PLAAT3: variants seen among roughly 807,000 people sequenced by gnomAD.
PLAAT3 encodes Ca-independent phospholipase A1/2.
A neutral mutation model predicts 16.7 loss-of-function variants in PLAAT3; 21 were observed. That is an observed-to-expected ratio of 1.26 (90% CI 0.89 to 1.81). The LOEUF (loss-of-function observed/expected upper bound fraction) is 1.81. Ranked by LOEUF, PLAAT3 falls within the 40% of genes most tolerant of loss-of-function variation. The pLI is 0.00. For synonymous variants in PLAAT3, 76 were observed against 81.7 expected (o/e 0.93, Z 0.38); for missense variants, 219 against 213.7 (o/e 1.02, Z -0.16).
intron 4 of PLAAT3, among the ~76,000 whole-genome samples, chr11:63,589,182 C>T (rs1938066701): frequency 6.6e-6 from 1 of 151,888 alleles, no homozygotes; most frequent in African/African-American, 2.4e-5. Context: ...TGAGGTCAGA[C>T]AGCCGGCAAA....
chr11:63,587,065 C>T (rs1044501097), intron 4 of PLAAT3, among the ~76,000 whole-genome samples: 14 of 152,202 alleles, frequency 9.2e-5, no homozygotes, highest in Non-Finnish European at 1.5e-4. Flanking sequence ...GCCTGGGTGA[C>T]GAAACAAGAC....
chr11:63,610,254 A>T (rs1938661314), intron 2 of PLAAT3, among the ~76,000 whole-genome samples: 1 of 152,222 alleles, frequency 6.6e-6, no homozygotes, highest in Non-Finnish European at 1.5e-5. Context: ...TCATCCCTCG[A>T]GATGGGCTCA....
At chr11:63,615,248 G>GTGTATATGTGTGTATATA (rs1565259981), upstream of PLAAT3, among the ~76,000 whole-genome samples, 9 of 26,696 alleles carry the variant, frequency 3.4e-4, 1 homozygote, top group African/African-American at 4.6e-4. Context: ...GTGTATATAT[G>GTGTATATGTGTGTATATA]TGTGTGTATA....
At chr11:63,613,522 G>A (rs1415805629) in intron 2 of PLAAT3, among the ~76,000 whole-genome samples, 1 of 152,260 alleles carries the variant, frequency 6.6e-6, no homozygotes, top group Non-Finnish European at 1.5e-5. Context: ...ACACTAGGAG[G>A]GTCCACCTCC....
intron 4 of PLAAT3, among the ~76,000 whole-genome samples, chr11:63,586,700 T>TC (rs1446538842): frequency 6.6e-6 from 1 of 152,218 alleles, no homozygotes; most frequent in Non-Finnish European, 1.5e-5. Context: ...TTTGTCTTTC[T>TC]TATGCTAATA....
At chr11:63,607,431 G>A (rs1938594667) in intron 2 of PLAAT3, among the ~76,000 whole-genome samples, 1 of 152,096 alleles carries the variant, frequency 6.6e-6, no homozygotes, top group East Asian at 1.9e-4. Flanking sequence ...GGAGGCTGAG[G>A]CTGGAGGATC....
chr11:63,602,953 C>T (rs902225258), intron 2 of PLAAT3, among the ~76,000 whole-genome samples: 2 of 152,184 alleles, frequency 1.3e-5, no homozygotes, highest in South Asian at 2.1e-4. Context: ...ATTAGCCACG[C>T]CTGTTGGCAG....
rs1178056792 is a variant in PLAAT3 at position 63,598,071 on chromosome 11, C to T, written c.108G>A (p.Leu36=). Residue 36 remains leucine, a synonymous_variant, in exon 3 of 5, where the codon CTG becomes CTA. Coordinates refer to ENST00000415826, the MANE Select transcript of PLAAT3 (RefSeq NM_001128203.2). ...IYVGDGYVVH[L]APPSEVAGAG... is the part of the protein sequence containing the mutation. The stretch of plus-strand genomic sequence containing the variant: ...CCCATGTGTTCTTACTTGGAGGGGC[C>T]AGATGAACCACATATCCATCGCCAA... 9 of 1,610,592 alleles carry T rather than the reference C, an allele frequency of 5.6e-6. No individual in the cohort carries two copies. Among genetic ancestry groups the T allele is most frequent in the Non-Finnish European group, 7.6e-6 (9 of 1,176,742 alleles).
chr11:63,582,091 T>C (rs1213302200), intron 4 of PLAAT3, among the ~76,000 whole-genome samples: 1 of 152,216 alleles, frequency 6.6e-6, no homozygotes, highest in African/African-American at 2.4e-5. Context: ...AGGAAAATAA[T>C]GCACTTATCA....
intron 2 of PLAAT3, among the ~76,000 whole-genome samples, chr11:63,598,932 G>A (rs1234854533): frequency 6.6e-6 from 1 of 152,218 alleles, no homozygotes; most frequent in African/African-American, 2.4e-5. Context: ...GTGAGAAGGG[G>A]AAGGTAGGGA....
rs1466284263 is a variant in PLAAT3 at position 63,575,053 on chromosome 11, C to A, written c.388-7G>T. 6.3e-7 allele frequency: 1 copy of A among 1,589,962 alleles called. No homozygotes were observed. The highest frequency in any genetic ancestry group is 8.6e-7 in the Non-Finnish European group (1 of 1,158,200). ...CGATGATGACATCTCTGACCTGCAA[C>A]AAAGAAGAGGGTGGGTCACACTCTG... On this transcript the variant is annotated splice_region_variant and splice_polypyrimidine_tract_variant and intron_variant, in intron 4 of 4. Transcript: ENST00000415826.
intron 4 of PLAAT3, among the ~76,000 whole-genome samples, chr11:63,584,489 A>G (rs959678498): frequency 2.0e-5 from 3 of 149,360 alleles, no homozygotes; most frequent in Non-Finnish European, 4.4e-5. Context: ...AATTTGATTA[A>G]TCATAAACTT....
At chr11:63,607,969 G>A (rs1171760613) in intron 2 of PLAAT3, among the ~76,000 whole-genome samples, 1 of 152,028 alleles carries the variant, frequency 6.6e-6, no homozygotes, top group African/African-American at 2.4e-5. Flanking sequence ...GGCAGATCAC[G>A]AGGTCAGGAG....
upstream of PLAAT3, among the ~76,000 whole-genome samples, chr11:63,615,176 A>ATATG (rs1938823143): frequency 3.2e-5 from 4 of 126,704 alleles, no homozygotes; most frequent in Admixed American, 8.2e-5. Context: ...ATGTGTGTAT[A>ATATG]TGTGTGTATA....
At chr11:63,580,817 G>A (rs1937788931) in intron 4 of PLAAT3, among the ~76,000 whole-genome samples, 1 of 152,130 alleles carries the variant, frequency 6.6e-6, no homozygotes, top group African/African-American at 2.4e-5. Flanking sequence ...AAATAGATGG[G>A]GACTATAAGC....
chr11:63,590,356 C>T lies in PLAAT3; in HGVS notation c.131G>A (p.Gly44Glu), dbSNP rs1938119773. Residue 44 changes from glycine to glutamate, a missense_variant, in exon 4 of 5, where the codon GGA becomes GAA. By Grantham distance (98) the Gly-to-Glu change is moderately conservative. Coordinates refer to ENST00000415826, the MANE Select transcript of PLAAT3 (RefSeq NM_001128203.2). ...VHLAPPSEVAGAGAASVMSAL... is the reference protein window; with the variant it reads ...VHLAPPSEVAEAGAASVMSAL... ...GGACATGACACTGGCTGCACCAGCT[C>T]CTGCGACCTCACCTGCAGATCCACA... The T allele has an allele frequency of 1.2e-6, 2 of 1,614,026 alleles. No homozygotes were observed. Among genetic ancestry groups the T allele is most frequent in the Non-Finnish European group, 1.7e-6 (2 of 1,180,000 alleles).
intron 2 of PLAAT3, among the ~76,000 whole-genome samples, chr11:63,606,980 G>A (rs1463032212): frequency 6.6e-6 from 1 of 152,116 alleles, no homozygotes; most frequent in Non-Finnish European, 1.5e-5. Context: ...TGAGATGTAG[G>A]GTGCAAGGAG....
At chr11:63,578,579 C>T (rs1937692119) in intron 4 of PLAAT3, among the ~76,000 whole-genome samples, 1 of 152,038 alleles carries the variant, frequency 6.6e-6, no homozygotes, top group African/African-American at 2.4e-5. Flanking sequence ...ATATCTACAA[C>T]TATCTGATCT....
At chr11:63,603,165 A>G (rs915470446) in intron 2 of PLAAT3, among the ~76,000 whole-genome samples, 1 of 152,186 alleles carries the variant, frequency 6.6e-6, no homozygotes, top group East Asian at 1.9e-4. Flanking sequence ...CCCTATTGTA[A>G]AAGAACCTAC....
Sources: gnomAD v4.1 joint callset for allele counts (sites outside exome capture counted in the v4.1 genomes callset) on GRCh38, gnomAD v4.1.1 for gene constraint, MANE v1.5 for transcripts, NCBI Gene and HGNC (gene_info 2026-07-23, HGNC 2026-07-21) for gene names.